The following FKTN variants were observed in gnomAD, a reference collection of about 807,000 sequenced individuals.
FKTN encodes fukutin, also known as ribitol-5-phosphate transferase FKTN.
In FKTN, 47 loss-of-function variants were observed where a neutral mutation model predicts 58.6. The ratio of observed to expected loss-of-function variants is 0.80; its 90% CI spans 0.63 to 1.02. The LOEUF (loss-of-function observed/expected upper bound fraction) is 1.02. FKTN is among the 50% of genes least tolerant of loss of function. FKTN has a pLI of 0.00. For synonymous variants in FKTN, 178 were observed against 191.9 expected, an observed-to-expected ratio of 0.93 and a Z score of 0.60; for missense variants, 516 against 537.3, an observed-to-expected ratio of 0.96 and a Z score of 0.39.
intron 10 of FKTN, among the ~76,000 whole-genome samples, chr9:105,629,161 A>G (rs1381017400): frequency 6.6e-6 from 1 of 152,214 alleles, no homozygotes; most frequent in Non-Finnish European, 1.5e-5. Context: ...CAGGAGTTCA[A>G]GATAAGCCTG....
At chr9:105,572,966 G>A (rs1249709227) in intron 1 of FKTN, among the ~76,000 whole-genome samples, 1 of 152,152 alleles carries the variant, frequency 6.6e-6, no homozygotes, top group African/African-American at 2.4e-5. Flanking sequence ...TGGGTGCCGT[G>A]GCTCATGCCT....
At chr9:105,572,948 A>G (rs1018849) in intron 1 of FKTN, among the ~76,000 whole-genome samples, 21,448 of 152,200 alleles carry the variant, frequency 0.14, 1,646 homozygotes, top group Admixed American at 0.22. Context: ...AGAAAAGTAG[A>G]TGAGGACTGG....
chr9:105,610,264 C>G (rs183944624), intron 7 of FKTN, among the ~76,000 whole-genome samples: 16 of 152,086 alleles, frequency 1.1e-4, no homozygotes, highest in African/African-American at 3.6e-4. Context: ...CCAGGTGTAC[C>G]CATTGCTATT....
At chr9:105,591,276 T>C (rs956798557) in intron 3 of FKTN, among the ~76,000 whole-genome samples, 2 of 152,034 alleles carry the variant, frequency 1.3e-5, no homozygotes, top group Non-Finnish European at 2.9e-5. Context: ...CAACATTAAC[T>C]CAATAGTTCA....
chr9:105,595,631 C>G (rs1227188326), intron 3 of FKTN, among the ~76,000 whole-genome samples: 2 of 152,208 alleles, frequency 1.3e-5, no homozygotes, highest in African/African-American at 4.8e-5. Context: ...ATCCCTTCCT[C>G]TCCCCTTCCA....
In FKTN at chr9:105,639,474, A is replaced by T; in HGVS notation, c.*4210A>T. The T allele has an allele frequency of 1.5e-6, 1 of 672,692 alleles. No individual in the cohort carries two copies. Among genetic ancestry groups the T allele is most frequent in the Non-Finnish European group, 1.8e-6 (1 of 544,786 alleles). 41.7% of individuals were successfully genotyped at this position (672,692 alleles called of 1,614,324 possible). ...ACTTCTAAGGGTTTTTAGGGGGATTAAATGAAGTATACAGTTCTTAGCCTC... is the reference window on the plus strand; with the variant it reads ...ACTTCTAAGGGTTTTTAGGGGGATTTAATGAAGTATACAGTTCTTAGCCTC... On this transcript the variant is annotated 3_prime_UTR_variant, in exon 11 of 11. Coordinates refer to ENST00000357998, the MANE Select transcript of FKTN (RefSeq NM_001079802.2).
At chr9:105,571,101 G>T (rs972282902) in intron 1 of FKTN, among the ~76,000 whole-genome samples, 2 of 152,112 alleles carry the variant, frequency 1.3e-5, no homozygotes, top group South Asian at 2.1e-4. Flanking sequence ...TTTGATTGTG[G>T]TGTAACTTGA....
Position 105,636,312 on chromosome 9 carries a change from A to T in FKTN, c.*1048A>T. 1 of 972,788 alleles carries T rather than the reference A, an allele frequency of 1.0e-6. No individual in the cohort carries two copies. The highest frequency in any genetic ancestry group is 1.2e-6 in the Non-Finnish European group (1 of 818,398). The allele number at this position is 972,788 out of a possible 1,614,324, so 60.3% of individuals were successfully genotyped here. On this transcript the variant is annotated 3_prime_UTR_variant, in exon 11 of 11. Coordinates refer to ENST00000357998, the MANE Select transcript of FKTN (RefSeq NM_001079802.2). The stretch of plus-strand genomic sequence containing the variant: ...AATTTATGGTCTATATACCAATTTA[A>T]ATGGCATGTAAACCTGCCTGTTTCT...
chr9:105,595,863 G>T (rs1195266773), intron 3 of FKTN, among the ~76,000 whole-genome samples: 6 of 152,110 alleles, frequency 3.9e-5, no homozygotes, highest in Non-Finnish European at 8.8e-5. Context: ...ATGCACTCAA[G>T]GCATAAGAAA....
chr9:105,564,861 T>C (rs1445460361), intron 1 of FKTN, among the ~76,000 whole-genome samples: 1 of 151,932 alleles, frequency 6.6e-6, no homozygotes, highest in Non-Finnish European at 1.5e-5. Flanking sequence ...TTCACCAAAG[T>C]TGAAATGAAG....
intron 10 of FKTN, chr9:105,624,471 T>A (rs766328478): frequency 6.6e-6 from 1 of 151,780 alleles, no homozygotes; most frequent in Admixed American, 6.6e-5. Context: ...TATATAAAAA[T>A]TTTTTAAAAA....
intron 3 of FKTN, among the ~76,000 whole-genome samples, chr9:105,575,563 A>C (rs539592223): frequency 4.0e-4 from 61 of 152,280 alleles, no homozygotes; most frequent in African/African-American, 1.5e-3. Context: ...ATGATGTGGA[A>C]ATCAATAGCT....
At position 105,562,244 on chromosome 9, in the gene FKTN, C is replaced by T. The variant is rs193011535; in HGVS notation, c.-181+4079C>T. Among the ~76,000 whole-genome samples the T allele has an allele frequency of 8.5e-5, 13 of 152,358 alleles. No homozygotes were observed. The East Asian group carries it at 2.5e-3, about 29-fold the overall frequency. ...CAAAGGAGTTATTACTCAAATCAGTCTCGCCAAAGACTTGGTGGTTAGTTT... is the reference window on the plus strand; with the variant it reads ...CAAAGGAGTTATTACTCAAATCAGTTTCGCCAAAGACTTGGTGGTTAGTTT... On this transcript the variant is annotated intron_variant, in intron 1 of 10. Transcript: ENST00000357998.
chr9:105,601,269 C>G lies in FKTN; in HGVS notation c.290C>G (p.Ser97Cys), dbSNP rs1453857604. The change falls in exon 5 of 11, where the codon TCT becomes TGT. Residue 97 changes from serine (S) to cysteine (C), a missense_variant. Ser to Cys is a moderately radical substitution (Grantham distance 112, BLOSUM62 -1). Transcript: ENST00000357998. ...CAAGTCAAAAATACTTCTCATGGCTCTACTTCACAATGCAAGTTTTTCTGT... is the reference window on the plus strand; with the variant it reads ...CAAGTCAAAAATACTTCTCATGGCTGTACTTCACAATGCAAGTTTTTCTGT... ...FEQVKNTSHG[S>C]TSQCKFFCVP... 2.5e-6 allele frequency: 4 copies of G among 1,612,702 alleles called. No individual in the cohort carries two copies. Among genetic ancestry groups the G allele is most frequent in the Non-Finnish European group, 3.4e-6 (4 of 1,179,270 alleles).
In FKTN at chr9:105,637,320, A is replaced by T. The variant is rs1588325127; in HGVS notation, c.*2056A>T. ...CTTTCCTGAAGTACAAAGTCTTAAGAGTGTCTGAAATCCAAGACATCTTGG... is the reference window on the plus strand; with the variant it reads ...CTTTCCTGAAGTACAAAGTCTTAAGTGTGTCTGAAATCCAAGACATCTTGG... On this transcript the variant is annotated 3_prime_UTR_variant, in exon 11 of 11. Coordinates refer to ENST00000357998, the MANE Select transcript of FKTN (RefSeq NM_001079802.2). 1 of 985,168 alleles carries T rather than the reference A, an allele frequency of 1.0e-6. No individual in the cohort carries two copies. Among genetic ancestry groups the T allele is most frequent in the African/African-American group, 1.7e-5 (1 of 57,336 alleles). 61.0% of individuals were successfully genotyped at this position (985,168 alleles called of 1,614,324 possible).
Position 105,638,766 on chromosome 9 carries a change from T to C in FKTN, c.*3502T>C. On this transcript the variant is annotated 3_prime_UTR_variant, in exon 11 of 11. Coordinates refer to ENST00000357998, the MANE Select transcript of FKTN (RefSeq NM_001079802.2). ...TTTAAACTACTTTTAATTATTTATATTGATACTCTCTGATAAATGCAGGTA... is the reference window on the plus strand; with the variant it reads ...TTTAAACTACTTTTAATTATTTATACTGATACTCTCTGATAAATGCAGGTA... 2.1e-6 allele frequency: 2 copies of C among 975,374 alleles called. No individual in the cohort carries two copies. Among genetic ancestry groups the C allele is most frequent in the Non-Finnish European group, 2.4e-6 (2 of 820,796 alleles). The allele number at this position is 975,374 out of a possible 1,614,324, so 60.4% of individuals were successfully genotyped here.
intron 3 of FKTN, among the ~76,000 whole-genome samples, chr9:105,583,413 A>G (rs116361445): frequency 0.019 from 2,913 of 152,304 alleles, 87 homozygotes; most frequent in African/African-American, 0.066. Flanking sequence ...AGTGTTCGTA[A>G]TATTCAGAAA....
chr9:105,564,014 C>T (rs1339278310), intron 1 of FKTN, among the ~76,000 whole-genome samples: 1 of 152,190 alleles, frequency 6.6e-6, no homozygotes, highest in Admixed American at 6.5e-5. Context: ...TGTTCTGCAG[C>T]CTCTGCTGAT....
At chr9:105,585,146 A>T (rs1025119639) in intron 3 of FKTN, among the ~76,000 whole-genome samples, 12 of 152,154 alleles carry the variant, frequency 7.9e-5, no homozygotes, top group African/African-American at 1.4e-4. Flanking sequence ...TAAAAATAGT[A>T]AGGAGACCAG....
Sources: allele counts gnomAD v4.1 joint callset (sites outside exome capture counted in the v4.1 genomes callset), GRCh38; gene constraint gnomAD v4.1.1; transcripts MANE v1.5; gene names NCBI Gene and HGNC (gene_info 2026-07-23, HGNC 2026-07-21).